The following ENAH variants were observed in gnomAD, a reference collection of about 807,000 sequenced individuals.
ENAH encodes the protein ENAH actin regulator.
A neutral mutation model predicts 78.7 loss-of-function variants in ENAH; 23 were observed. That is an observed-to-expected ratio of 0.29 (90% CI 0.21 to 0.41). The LOEUF (loss-of-function observed/expected upper bound fraction) is 0.41. Among genes scored for constraint, ENAH ranks in the 10% least tolerant of loss-of-function variants. The pLI, the probability that ENAH is intolerant of heterozygous loss-of-function variation, is 1.00. For missense variants in ENAH, 544 were observed against 691.0 expected (o/e 0.79, Z 2.39); for synonymous variants, 226 against 241.0 (o/e 0.94, Z 0.58).
chr1:225,607,614 G>GC (rs1311374147), intron 1 of ENAH, among the ~76,000 whole-genome samples: 7 of 151,546 alleles, frequency 4.6e-5, no homozygotes, highest in Admixed American at 1.3e-4. Flanking sequence ...CAGACACTCA[G>GC]CCCATTACTC....
chr1:225,625,504 C>G (rs1353434422), intron 1 of ENAH, among the ~76,000 whole-genome samples: 1 of 152,108 alleles, frequency 6.6e-6, no homozygotes, highest in Admixed American at 6.6e-5. Flanking sequence ...ATTACTAAAA[C>G]AGTCAACACG....
intron 1 of ENAH, among the ~76,000 whole-genome samples, chr1:225,625,985 T>C (rs977199746): frequency 1.3e-5 from 2 of 152,230 alleles, no homozygotes; most frequent in Admixed American, 6.5e-5. Flanking sequence ...GGGACAAAGA[T>C]GCAAGTTGGA....
chr1:225,583,722 C>CACTT (rs1003315316), intron 1 of ENAH, among the ~76,000 whole-genome samples: 4 of 150,736 alleles, frequency 2.7e-5, no homozygotes, highest in African/African-American at 9.8e-5. Flanking sequence ...TCAGGAGAAT[C>CACTT]ACTTGTACCT....
At chr1:225,535,530 G>A in intron 3 of ENAH, 1 of 1,303,822 alleles carries the variant, frequency 7.7e-7, no homozygotes, top group Non-Finnish European at 1.0e-6. Context: ...TCGCAAATTA[G>A]TGCTGTCCTG....
At chr1:225,563,202 G>A (rs991079486) in intron 2 of ENAH, among the ~76,000 whole-genome samples, 2 of 152,128 alleles carry the variant, frequency 1.3e-5, no homozygotes, top group Admixed American at 1.3e-4. Context: ...ATACTCCTGG[G>A]AGATTTTTAT....
chr1:225,574,446 C>G (rs925684645), intron 1 of ENAH, among the ~76,000 whole-genome samples: 1 of 151,718 alleles, frequency 6.6e-6, no homozygotes, highest in Admixed American at 6.6e-5. Context: ...ACTAAAAATA[C>G]CAAAAATTAG....
At position 225,491,173 on chromosome 1, in the gene ENAH, C is replaced by T. The variant is rs2096220260; in HGVS notation, c.*6602G>A. The T allele has an allele frequency of 6.6e-6, 1 of 152,250 alleles. No homozygotes were observed. Among genetic ancestry groups the T allele is most frequent in the South Asian group, 2.1e-4 (1 of 4,834 alleles). 9.4% of individuals were successfully genotyped at this position (152,250 alleles called of 1,614,324 possible). ...TTATTTATTTAGAGATGGAATCTCGCTCTGTCGCCCAGGCTGGAGTACAGT... is the reference window on the plus strand; with the variant it reads ...TTATTTATTTAGAGATGGAATCTCGTTCTGTCGCCCAGGCTGGAGTACAGT... On this transcript the variant is annotated 3_prime_UTR_variant, in exon 14 of 14. Transcript: ENST00000366843.
intron 1 of ENAH, among the ~76,000 whole-genome samples, chr1:225,614,531 T>C (rs1324916161): frequency 6.6e-6 from 1 of 152,126 alleles, no homozygotes; most frequent in African/African-American, 2.4e-5. Context: ...CCAGACTCTA[T>C]CCTTTGGGTT....
At chr1:225,531,549 C>G (rs2096537433) in intron 3 of ENAH, among the ~76,000 whole-genome samples, 1 of 152,000 alleles carries the variant, frequency 6.6e-6, no homozygotes. Flanking sequence ...AGTAAAGAAA[C>G]AGTAGTTATC....
intron 1 of ENAH, among the ~76,000 whole-genome samples, chr1:225,623,129 G>C (rs780314382): frequency 6.6e-6 from 1 of 152,158 alleles, no homozygotes; most frequent in Non-Finnish European, 1.5e-5. Flanking sequence ...CAAGACACTA[G>C]AGTTCTTACT....
At chr1:225,503,658 C>CAAAAAA (rs10683254) in intron 11 of ENAH, among the ~76,000 whole-genome samples, 1,244 of 81,424 alleles carry the variant, frequency 0.015, 15 homozygotes, top group Middle Eastern at 0.042. Context: ...CAAACCACCT[C>CAAAAAA]AAAAAAAAAA....
At position 225,492,773 on chromosome 1, in the gene ENAH, A is replaced by G. The variant is rs1228433023; in HGVS notation, c.*5002T>C. ...TTTCCCTTTCTCAATTTTCAGATGT[A>G]TCGATTCCTTCAGATTTCAACAGAA... is the stretch of plus-strand genomic sequence containing the variant. On this transcript the variant is annotated 3_prime_UTR_variant, in exon 14 of 14. Coordinates refer to ENST00000366843, the MANE Select transcript of ENAH (RefSeq NM_018212.6). The G allele has an allele frequency of 1.3e-5, 2 of 152,228 alleles. No individual in the cohort carries two copies. The highest frequency in any genetic ancestry group is 4.8e-5 in the African/African-American group (2 of 41,450). 9.4% of individuals were successfully genotyped at this position (152,228 alleles called of 1,614,324 possible).
intron 1 of ENAH, among the ~76,000 whole-genome samples, chr1:225,609,736 C>T (rs942760591): frequency 5.5e-5 from 7 of 126,250 alleles, no homozygotes; most frequent in African/African-American, 2.1e-4. Flanking sequence ...ACGATCTTGG[C>T]TCACTGCAAC....
rs1317892764 is a variant in ENAH at position 225,495,615 on chromosome 1, C to T, written c.*2160G>A. 1 of 152,348 alleles carries T rather than the reference C, an allele frequency of 6.6e-6. No homozygotes were observed. 9.4% of individuals were successfully genotyped at this position (152,348 alleles called of 1,614,324 possible). A position where few individuals can be genotyped will look rare whatever the true frequency, so the allele number is the denominator to read the frequency against. The stretch of plus-strand genomic sequence containing the variant: ...GGACCACTTGTACCCAGTACTCTAC[C>T]TACTACAGACTATTTAACTTACCCA... On this transcript the variant is annotated 3_prime_UTR_variant, in exon 14 of 14. Coordinates refer to ENST00000366843, the MANE Select transcript of ENAH (RefSeq NM_018212.6).
chr1:225,561,388 C>T (rs1390417646), intron 2 of ENAH, among the ~76,000 whole-genome samples: 4 of 151,788 alleles, frequency 2.6e-5, no homozygotes, highest in Non-Finnish European at 4.4e-5. Flanking sequence ...CTTTGGGAGG[C>T]GGAGGCAAGC....
rs181999048 is a variant in ENAH at position 225,529,157 on chromosome 1, A to C, written c.434+1397T>G. 2.6e-5 allele frequency among the ~76,000 whole-genome samples: 4 copies of C among 152,316 alleles called. No homozygotes were observed. The East Asian group carries it at 7.7e-4, about 29-fold the overall frequency. ...TAAAATTTTAAGTCAGATCATGCCT[A>C]TGTTCAAAACTGTACAATGGTTCTC... On this transcript the variant is annotated intron_variant, in intron 4 of 13. Coordinates refer to ENST00000366843, the MANE Select transcript of ENAH (RefSeq NM_018212.6).
At chr1:225,644,981 G>C (rs1460733533) in intron 1 of ENAH, among the ~76,000 whole-genome samples, 1 of 152,016 alleles carries the variant, frequency 6.6e-6, no homozygotes, top group East Asian at 1.9e-4. Context: ...CTTACAACAG[G>C]CCTACCAAAG....
intron 3 of ENAH, among the ~76,000 whole-genome samples, chr1:225,532,504 C>G (rs1470772658): frequency 6.6e-6 from 1 of 151,994 alleles, no homozygotes; most frequent in Non-Finnish European, 1.5e-5. Context: ...ACACCTAGGA[C>G]AGGTGTTATA....
intron 4 of ENAH, among the ~76,000 whole-genome samples, chr1:225,522,055 A>G (rs2096473399): frequency 1.3e-5 from 2 of 152,122 alleles, no homozygotes; most frequent in African/African-American, 4.8e-5. Context: ...TTGGCCTCCC[A>G]AAGTGCTGGG....
Sources: allele counts gnomAD v4.1 joint callset (sites outside exome capture counted in the v4.1 genomes callset), GRCh38; gene constraint gnomAD v4.1.1; transcripts MANE v1.5; gene names NCBI Gene and HGNC (gene_info 2026-07-23, HGNC 2026-07-21).